Variants in CD163L1 observed in about 807,000 individuals in gnomAD.
CD163L1 encodes CD163 molecule like 1.
A neutral mutation model predicts 165.4 loss-of-function variants in CD163L1; 124 were observed. The ratio of observed to expected loss-of-function variants is 0.75; its 90% CI spans 0.65 to 0.87. The LOEUF (loss-of-function observed/expected upper bound fraction) is 0.87, where lower values mean the gene tolerates loss of function less well. CD163L1 is among the 40% of genes least tolerant of loss of function. The pLI is 0.00. For missense variants in CD163L1, 1,525 were observed against 1,799.9 expected (o/e 0.85, Z 2.76); for synonymous variants, 585 against 662.2 (o/e 0.88, Z 1.79).
At position 7,433,677 on chromosome 12, in the gene CD163L1, A is replaced by T. The variant is rs1362284707; in HGVS notation, c.142T>A (p.Leu48Met). ...ISSFNGTDLE[L>M]RLVNGDGPCS... ...GGACCGTCTCCATTGACCAGCCTCA[A>T]CTCCAAATCTGTTCCATCTGCAAGA... Residue 48 changes from leucine (L) to methionine (M), a missense_variant, in exon 3 of 20, where the codon TTG (leucine) becomes ATG (methionine). Physicochemically the swap from Leu to Met is conservative, Grantham distance 15. Transcript: ENST00000313599. 4.3e-6 allele frequency: 7 copies of T among 1,610,086 alleles called. No homozygotes were observed. The Admixed American group carries it at 1.2e-4, about 27-fold the overall frequency.
intron 4 of CD163L1, among the ~76,000 whole-genome samples, chr12:7,349,947 C>T (rs945472171): frequency 6.6e-6 from 1 of 152,036 alleles, no homozygotes; most frequent in Admixed American, 6.6e-5. Flanking sequence ...ACCCATACCC[C>T]CTCTTCCCTT....
intron 8 of CD163L1, among the ~76,000 whole-genome samples, chr12:7,380,327 A>G (rs11053545): frequency 0.094 from 4,417 of 46,980 alleles, 89 homozygotes; most frequent in South Asian, 0.18. Flanking sequence ...ACATATATGT[A>G]TGTATACACG....
In CD163L1 at chr12:7,371,052, T is replaced by C. The variant is rs1048420751; in HGVS notation, c.3731-1387A>G. Among the ~76,000 whole-genome samples the C allele has an allele frequency of 2.0e-5, 3 of 152,184 alleles. No individual in the cohort carries two copies. In the South Asian group the frequency reaches 6.2e-4, roughly 32 times the overall value. Reference sequence around the variant, plus strand: ...TAAGTCTCACAAGATCTGATGGTTTTATACATGGGAGTTCCCCTGCACATG... The same window carrying C: ...TAAGTCTCACAAGATCTGATGGTTTCATACATGGGAGTTCCCCTGCACATG... On this transcript the variant is annotated intron_variant, in intron 14 of 19. Transcript: ENST00000313599.
chr12:7,360,144 C>T (rs1946862395), intron 18 of CD163L1, among the ~76,000 whole-genome samples: 1 of 149,712 alleles, frequency 6.7e-6, no homozygotes, highest in Non-Finnish European at 1.5e-5. Context: ...ATATGTACAT[C>T]TTTTTTTTTT....
chr12:7,342,310 GAACA>G (rs965013213), downstream of CD163L1, among the ~76,000 whole-genome samples: 1 of 152,196 alleles, frequency 6.6e-6, no homozygotes, highest in African/African-American at 2.4e-5. Flanking sequence ...ACAATAGCAT[GAACA>G]TCTGTGCCTT....
chr12:7,442,038 A>G (rs1948837406), intron 1 of CD163L1, among the ~76,000 whole-genome samples: 1 of 152,230 alleles, frequency 6.6e-6, no homozygotes, highest in South Asian at 2.1e-4. Context: ...ACTATAAAGA[A>G]TTGAATCAGT....
At chr12:7,412,196 A>C (rs2136550106) in intron 4 of CD163L1, among the ~76,000 whole-genome samples, 1 of 152,342 alleles carries the variant, frequency 6.6e-6, no homozygotes, top group East Asian at 1.9e-4. Context: ...TTTTACTAGG[A>C]ACAATTGTTC....
intron 8 of CD163L1, among the ~76,000 whole-genome samples, chr12:7,384,772 T>C (rs1947482360): frequency 6.6e-6 from 1 of 152,178 alleles, no homozygotes; most frequent in East Asian, 1.9e-4. Flanking sequence ...CACCACTAGA[T>C]TGGTCATACA....
chr12:7,362,693 T>C (rs754764034), intron 18 of CD163L1, among the ~76,000 whole-genome samples: 44 of 146,610 alleles, frequency 3.0e-4, no homozygotes, highest in African/African-American at 1.1e-3. Context: ...AATATAATTA[T>C]ACTATAACAT....
At chr12:7,388,420 G>T (rs986764257) in intron 8 of CD163L1, among the ~76,000 whole-genome samples, 63 of 152,166 alleles carry the variant, frequency 4.1e-4, no homozygotes, top group African/African-American at 1.4e-3. Flanking sequence ...TGAATAACTC[G>T]ACAGGAAAAC....
chr12:7,335,653 C>T, the CD163L1 span, among the ~76,000 whole-genome samples: 1 of 152,118 alleles, frequency 6.6e-6, no homozygotes, highest in Non-Finnish European at 1.5e-5. Flanking sequence ...GCAAAATTGA[C>T]AAATGGGATC....
At chr12:7,394,197 C>T (rs1056726712) in intron 8 of CD163L1, among the ~76,000 whole-genome samples, 40 of 151,898 alleles carry the variant, frequency 2.6e-4, no homozygotes, top group South Asian at 1.0e-3. Context: ...TCAAACTATA[C>T]TACAAGGCTA....
chr12:7,331,858 A>C, the CD163L1 span, among the ~76,000 whole-genome samples: 2 of 152,208 alleles, frequency 1.3e-5, no homozygotes, highest in African/African-American at 4.8e-5. Flanking sequence ...AAACCGGAAA[A>C]TCTAAAAATC....
intron 4 of CD163L1, among the ~76,000 whole-genome samples, chr12:7,411,332 C>T (rs1484010891): frequency 1.3e-5 from 2 of 151,994 alleles, no homozygotes; most frequent in Admixed American, 6.6e-5. Context: ...TTATGATTAC[C>T]ATTATTATTC....
chr12:7,391,895 C>T (rs935007095), intron 8 of CD163L1, among the ~76,000 whole-genome samples: 2 of 152,064 alleles, frequency 1.3e-5, no homozygotes, highest in East Asian at 3.9e-4. Context: ...ATATATGCAC[C>T]CAATACAGGA....
the CD163L1 span, among the ~76,000 whole-genome samples, chr12:7,326,025 C>T: frequency 2.6e-5 from 4 of 152,264 alleles, no homozygotes; most frequent in East Asian, 5.8e-4. Flanking sequence ...TTCAGCTGAA[C>T]AGAAGTAACC....
chr12:7,411,972 T>G (rs1190348206), intron 4 of CD163L1, among the ~76,000 whole-genome samples: 1 of 152,216 alleles, frequency 6.6e-6, no homozygotes, highest in Non-Finnish European at 1.5e-5. Context: ...ACATTGACAT[T>G]TCCCACTTCT....
chr12:7,439,649 T>C, intron 2 of CD163L1: 1 of 1,612,568 alleles, frequency 6.2e-7, no homozygotes, highest in Non-Finnish European at 8.5e-7. Context: ...GCTTTGGCTT[T>C]GTTCTCTGCA....
intron 6 of CD163L1, among the ~76,000 whole-genome samples, chr12:7,403,105 T>C (rs1947945704): frequency 6.6e-6 from 1 of 152,184 alleles, no homozygotes; most frequent in Non-Finnish European, 1.5e-5. Context: ...CATATAAATA[T>C]ATCTATATCA....
Sources: gnomAD v4.1 joint callset for allele counts (sites outside exome capture counted in the v4.1 genomes callset) on GRCh38, gnomAD v4.1.1 for gene constraint, MANE v1.5 for transcripts, NCBI Gene and HGNC (gene_info 2026-07-23, HGNC 2026-07-21) for gene names.